The following SPATA16 variants were observed in gnomAD, a reference collection of about 807,000 sequenced individuals.
The protein encoded by SPATA16 is spermatogenesis-associated protein 16.
In SPATA16, 36 loss-of-function variants were observed where a neutral mutation model predicts 63.3. The ratio of observed to expected loss-of-function variants is 0.57; its 90% confidence interval spans 0.44 to 0.75. The LOEUF (loss-of-function observed/expected upper bound fraction) is 0.75, where lower values mean the gene tolerates loss of function less well. Among genes scored for constraint, SPATA16 ranks in the 30% least tolerant of loss-of-function variants. The probability of loss-of-function intolerance (pLI) is 0.00; values close to 1 mark genes in which losing one functional copy is unlikely to be tolerated. For synonymous variants in SPATA16, 203 were observed against 216.7 expected (o/e 0.94, Z 0.56); for missense variants, 646 against 679.3 (o/e 0.95, Z 0.54).
intron 10 of SPATA16, among the ~76,000 whole-genome samples, chr3:172,911,492 G>A (rs1254481725): frequency 6.6e-6 from 1 of 152,154 alleles, no homozygotes; most frequent in Non-Finnish European, 1.5e-5. Context: ...ACAACTTACT[G>A]TTCTCCTTTG....
chr3:173,103,205 C>T (rs1737536031), intron 2 of SPATA16, among the ~76,000 whole-genome samples: 1 of 152,194 alleles, frequency 6.6e-6, no homozygotes. Context: ...GATGCTTTTC[C>T]ATGTGTCAGG....
intron 5 of SPATA16, among the ~76,000 whole-genome samples, chr3:172,970,742 C>G (rs1734030217): frequency 6.6e-6 from 1 of 152,114 alleles, no homozygotes; most frequent in African/African-American, 2.4e-5. Context: ...TATTTTGTTC[C>G]TTTCTGTGGA....
rs958233720 is a variant in SPATA16, at chr3:172,970,028, T to A, written c.933+6940A>T. Among the ~76,000 whole-genome samples the A allele has an allele frequency of 3.4e-4, 51 of 152,174 alleles. 1 individual carries two copies. Among genetic ancestry groups the A allele is most frequent in the African/African-American group, 1.2e-3 (50 of 41,442 alleles). On this transcript the variant is annotated intron_variant, in intron 5 of 10. Coordinates refer to ENST00000351008, the MANE Select transcript of SPATA16 (RefSeq NM_031955.6). Reference sequence around the variant, plus strand: ...CGAGATTACCCTCAACTAGTCAAATTTGAGCCAACATATTTATTTGGTAAG... The same window carrying A: ...CGAGATTACCCTCAACTAGTCAAATATGAGCCAACATATTTATTTGGTAAG...
intron 10 of SPATA16, among the ~76,000 whole-genome samples, chr3:172,900,709 C>T (rs918099029): frequency 3.3e-5 from 5 of 151,968 alleles, no homozygotes; most frequent in Admixed American, 2.0e-4. Context: ...GGCATGATCT[C>T]GGCTCACTGC....
At chr3:172,949,337 G>C (rs2109615860) in intron 6 of SPATA16, among the ~76,000 whole-genome samples, 1 of 152,254 alleles carries the variant, frequency 6.6e-6, no homozygotes, top group Admixed American at 6.5e-5. Context: ...ATGCTCGTAA[G>C]GTGTAGGTTA....
chr3:172,907,231 AG>A (rs776617787), intron 10 of SPATA16, among the ~76,000 whole-genome samples: 45 of 152,256 alleles, frequency 3.0e-4, no homozygotes, highest in Non-Finnish European at 5.9e-4. Flanking sequence ...TTGCTAGTTC[AG>A]GGTTTTCCTG....
chr3:173,005,460 C>T (rs1734922681), intron 4 of SPATA16, among the ~76,000 whole-genome samples: 1 of 151,940 alleles, frequency 6.6e-6, no homozygotes, highest in Non-Finnish European at 1.5e-5. Context: ...GTTGCCCCCA[C>T]CTCTGACTTT....
At chr3:173,002,510 G>T (rs985530948) in intron 4 of SPATA16, among the ~76,000 whole-genome samples, 1 of 152,164 alleles carries the variant, frequency 6.6e-6, no homozygotes, top group Non-Finnish European at 1.5e-5. Flanking sequence ...AACAGAAAAA[G>T]TAAGAAAGTC....
At chr3:173,125,419 C>T (rs999699840) in intron 1 of SPATA16, among the ~76,000 whole-genome samples, 2 of 152,174 alleles carry the variant, frequency 1.3e-5, no homozygotes, top group African/African-American at 4.8e-5. Context: ...CTTTTAATGG[C>T]TGCCCATAAC....
chr3:173,066,425 G>A (rs1334235297), intron 2 of SPATA16, among the ~76,000 whole-genome samples: 2 of 152,184 alleles, frequency 1.3e-5, no homozygotes. Flanking sequence ...GGGAGTGCCT[G>A]TGTCAACCCT....
intron 4 of SPATA16, among the ~76,000 whole-genome samples, chr3:172,985,261 C>A (rs1366414373): frequency 1.3e-5 from 2 of 152,162 alleles, no homozygotes; most frequent in African/African-American, 4.8e-5. Flanking sequence ...AAATCTATAG[C>A]AAATATATGC....
intron 6 of SPATA16, among the ~76,000 whole-genome samples, chr3:172,937,627 G>A (rs1733037241): frequency 6.6e-6 from 1 of 152,136 alleles, no homozygotes; most frequent in Non-Finnish European, 1.5e-5. Flanking sequence ...TTACTAAGAA[G>A]GTGGTCCACA....
chr3:173,031,212 C>T (rs78202599), intron 3 of SPATA16, among the ~76,000 whole-genome samples: 8 of 150,874 alleles, frequency 5.3e-5, no homozygotes, highest in East Asian at 1.9e-4. Context: ...TGGGTAAGAT[C>T]GTACATTTTA....
rs60433987 is a variant in SPATA16, at chr3:173,042,566, C to A, written c.758+6383G>T. On this transcript the variant is annotated intron_variant, in intron 3 of 10. Coordinates refer to ENST00000351008, the MANE Select transcript of SPATA16 (RefSeq NM_031955.6). ...AAAATATAGAGCTTATTTCTATTACCACTGAAAATTACCTGTATTTGTTAT... is the reference window on the plus strand; with the variant it reads ...AAAATATAGAGCTTATTTCTATTACAACTGAAAATTACCTGTATTTGTTAT... Among the ~76,000 whole-genome samples, 3 of 152,180 alleles carry A rather than the reference C, an allele frequency of 2.0e-5. No homozygotes were observed. The South Asian group carries it at 6.2e-4, about 32-fold the overall frequency.
intron 4 of SPATA16, among the ~76,000 whole-genome samples, chr3:172,988,963 CAT>C (rs1410250365): frequency 2.0e-5 from 3 of 152,316 alleles, no homozygotes; most frequent in Admixed American, 6.5e-5. Context: ...AATATATAAA[CAT>C]GTGCTAATTT....
At chr3:173,000,118 G>C (rs1734782269) in intron 4 of SPATA16, among the ~76,000 whole-genome samples, 2 of 152,128 alleles carry the variant, frequency 1.3e-5, no homozygotes, top group Admixed American at 1.3e-4. Context: ...GCTCCAGAAT[G>C]GGAATAATGT....
chr3:173,106,959 A>G (rs1304978629), intron 2 of SPATA16, among the ~76,000 whole-genome samples: 1 of 152,228 alleles, frequency 6.6e-6, no homozygotes, highest in Non-Finnish European at 1.5e-5. Context: ...ATAGGTTAAT[A>G]TAGATAAAGT....
intron 4 of SPATA16, among the ~76,000 whole-genome samples, chr3:172,993,312 T>C (rs1242816487): frequency 6.6e-6 from 1 of 152,120 alleles, no homozygotes; most frequent in Admixed American, 6.6e-5. Flanking sequence ...AAATCATCAA[T>C]AATCAAATTT....
chr3:172,938,397 G>A (rs1305517788), intron 6 of SPATA16, among the ~76,000 whole-genome samples: 1 of 152,166 alleles, frequency 6.6e-6, no homozygotes, highest in Admixed American at 6.5e-5. Context: ...CAGGTGGAAA[G>A]CTTTAGATGG....
Sources: gnomAD v4.1 joint callset for allele counts (sites outside exome capture counted in the v4.1 genomes callset) on GRCh38, gnomAD v4.1.1 for gene constraint, MANE v1.5 for transcripts, NCBI Gene and HGNC (gene_info 2026-07-23, HGNC 2026-07-21) for gene names.